Variants in EFR3B observed in about 807,000 individuals in gnomAD.
EFR3B encodes EFR3 homolog B, also known as protein EFR3 homolog B.
A neutral mutation model predicts 104.7 loss-of-function variants in EFR3B; 64 were observed. The ratio of observed to expected loss-of-function variants is 0.61; its 90% confidence interval spans 0.50 to 0.75. The LOEUF is 0.75. EFR3B is among the 30% of genes least tolerant of loss of function. EFR3B has a pLI of 0.00. For missense variants in EFR3B, 750 were observed against 1,078.5 expected (o/e 0.70, Z 4.27); for synonymous variants, 385 against 417.9 (o/e 0.92, Z 0.96).
In EFR3B at chr2:25,130,761, G is replaced by A; in HGVS notation, c.849+131G>A. 1.3e-6 allele frequency: 1 copy of A among 748,092 alleles called. No individual in the cohort carries two copies. The allele number at this position is 748,092 out of a possible 1,614,324, so 46.3% of individuals were successfully genotyped here. A position where few individuals can be genotyped will look rare whatever the true frequency, so the allele number is the denominator to read the frequency against. On this transcript the variant is annotated intron_variant, in intron 8 of 22. Transcript: ENST00000403714. This position sits in a 1 kb window ranked among gnomAD's most constrained non-coding sequence, Gnocchi z 4.6. Reference sequence around the variant, plus strand: ...GCCCCCAGTTGCCGAAACCAGTGCTGCTTAAGCTAGCTGTGGAGAAGGGCC... The same window carrying A: ...GCCCCCAGTTGCCGAAACCAGTGCTACTTAAGCTAGCTGTGGAGAAGGGCC...
chr2:25,061,702 G>C (rs940889791), intron 1 of EFR3B, among the ~76,000 whole-genome samples: 2 of 151,552 alleles, frequency 1.3e-5, no homozygotes, highest in Non-Finnish European at 2.9e-5. Context: ...CACCATGTTG[G>C]CCAGGCTAGT....
rs750737116 is a variant in EFR3B at position 25,157,798 on chromosome 2, T to A, written c.*3458T>A. On this transcript the variant is annotated 3_prime_UTR_variant, in exon 23 of 23. Coordinates refer to ENST00000403714, the MANE Select transcript of EFR3B (RefSeq NM_014971.2). Reference sequence around the variant, plus strand: ...CGCCTTGTGCCTGTTTCCATTTCCCTCTCTCTTTGAAAAGTAGAAATCAGT... The same window carrying A: ...CGCCTTGTGCCTGTTTCCATTTCCCACTCTCTTTGAAAAGTAGAAATCAGT... The A allele has an allele frequency of 6.6e-6, 1 of 152,230 alleles. No individual in the cohort carries two copies. The highest frequency in any genetic ancestry group is 1.5e-5 in the Non-Finnish European group (1 of 68,072). The allele number at this position is 152,230 out of a possible 1,614,324, so 9.4% of individuals were successfully genotyped here. A position where few individuals can be genotyped will look rare whatever the true frequency, so the allele number is the denominator to read the frequency against.
intron 1 of EFR3B, chr2:25,081,018 GCAA>G: frequency 1.3e-6 from 1 of 752,990 alleles, no homozygotes; most frequent in Non-Finnish European, 2.5e-6. Flanking sequence ...AGTCTCAGCA[GCAA>G]CATCTGCAAT....
chr2:25,093,186 A>T, intron 3 of EFR3B, 56 bp downstream of exon 3: 1 of 1,535,054 alleles, frequency 6.5e-7, no homozygotes, highest in Non-Finnish European at 8.8e-7. Context: ...TGTTAGGCTA[A>T]ACATAGGGTC....
At chr2:25,105,351 A>G (rs544837514) in intron 4 of EFR3B, among the ~76,000 whole-genome samples, 13 of 152,208 alleles carry the variant, frequency 8.5e-5, no homozygotes, top group African/African-American at 3.1e-4. Context: ...GGGTTTCACC[A>G]TGTTGTCCAG....
chr2:25,142,811 T>G (rs1296301509), intron 17 of EFR3B, among the ~76,000 whole-genome samples: 1 of 150,624 alleles, frequency 6.6e-6, no homozygotes, highest in Non-Finnish European at 1.5e-5. Context: ...CCAGGTATGG[T>G]GGAGCGTACC....
chr2:25,133,707 G>A (rs773226937), intron 12 of EFR3B, among the ~76,000 whole-genome samples: 6 of 152,218 alleles, frequency 3.9e-5, no homozygotes, highest in Non-Finnish European at 7.3e-5. Flanking sequence ...ACTCAGACGT[G>A]ATCTGTCTTG....
Position 25,133,416 on chromosome 2 carries a change from G to T in EFR3B, c.1293G>T (p.Leu431=), listed in dbSNP as rs745950023. ...GGAACCGTCTGACCCAGATTATGCT[G>T]CTAAAATCCCTCCTGCAGGTGAGCC... ...ENRNRLTQIM[L]LKSLLQVSTG... Residue 431 remains leucine (L), a synonymous_variant, in exon 12 of 23, where the codon CTG becomes CTT. Coordinates refer to ENST00000403714, the MANE Select transcript of EFR3B (RefSeq NM_014971.2). The T allele has an allele frequency of 5.8e-6, 9 of 1,552,264 alleles. No individual in the cohort carries two copies. The highest frequency in any genetic ancestry group is 7.8e-6 in the Non-Finnish European group (9 of 1,147,156).
At chr2:25,109,405 A>G (rs1355563038) in intron 4 of EFR3B, among the ~76,000 whole-genome samples, 1 of 152,232 alleles carries the variant, frequency 6.6e-6, no homozygotes, top group East Asian at 1.9e-4. Context: ...GGAAACCGGA[A>G]CCATCATACT....
chr2:25,158,438 A>G lies in EFR3B; in HGVS notation c.*4098A>G, dbSNP rs1671232920. The stretch of plus-strand genomic sequence containing the variant: ...CTCCCTCACACCTGGGGAAAGGTTT[A>G]GGGCAACATGTTGCCTCTTCATCCC... On this transcript the variant is annotated 3_prime_UTR_variant, in exon 23 of 23. Coordinates refer to ENST00000403714, the MANE Select transcript of EFR3B (RefSeq NM_014971.2). 1 of 152,288 alleles carries G rather than the reference A, an allele frequency of 6.6e-6. No homozygotes were observed. The highest frequency in any genetic ancestry group is 6.5e-5 in the Admixed American group (1 of 15,280). 9.4% of individuals were successfully genotyped at this position (152,288 alleles called of 1,614,324 possible). A position where few individuals can be genotyped will look rare whatever the true frequency, so the allele number is the denominator to read the frequency against.
chr2:25,084,917 G>T (rs1216650543), intron 1 of EFR3B, among the ~76,000 whole-genome samples: 1 of 152,224 alleles, frequency 6.6e-6, no homozygotes, highest in Non-Finnish European at 1.5e-5. Context: ...GCCCTAAGCA[G>T]TTCCCAGCTT....
chr2:25,122,178 G>T (rs1670034678), intron 5 of EFR3B, among the ~76,000 whole-genome samples: 1 of 152,000 alleles, frequency 6.6e-6, no homozygotes, highest in African/African-American at 2.4e-5. Context: ...TGTTGGCCAG[G>T]CTCATCTCAA....
chr2:25,143,219 G>GA (rs958167095), intron 17 of EFR3B, among the ~76,000 whole-genome samples: 10 of 148,218 alleles, frequency 6.7e-5, no homozygotes, highest in East Asian at 3.9e-4. Flanking sequence ...CCGTCTCAAA[G>GA]AAAAAAAAAA....
chr2:25,149,624 TG>T, intron 19 of EFR3B, 69 bp from the exon 20 acceptor site: 1 of 1,466,516 alleles, frequency 6.8e-7, no homozygotes, highest in South Asian at 1.2e-5. Context: ...GCCAGAGAGC[TG>T]GGGGTGCCAG....
At chr2:25,061,255 C>G (rs1295804730) in intron 1 of EFR3B, among the ~76,000 whole-genome samples, 3 of 151,694 alleles carry the variant, frequency 2.0e-5, no homozygotes, top group African/African-American at 7.3e-5. Flanking sequence ...TCCGGAGTAG[C>G]TCCGTGTGCC....
intron 3 of EFR3B, among the ~76,000 whole-genome samples, chr2:25,097,643 T>G (rs1178156720): frequency 6.6e-6 from 1 of 152,054 alleles, no homozygotes; most frequent in Non-Finnish European, 1.5e-5. Context: ...AGAGAGAGGA[T>G]GAGATGTGAA....
rs1441771814 is a variant in EFR3B at position 25,042,920 on chromosome 2, TG to T, written c.7+602del. ...CAGTGATGAAGGGAGGAGACGCTGCTGAGAGGGTGCAGCACAGCCCTGACCT... is the reference window on the plus strand; with the variant it reads ...CAGTGATGAAGGGAGGAGACGCTGCTAGAGGGTGCAGCACAGCCCTGACCT... On this transcript the variant is annotated intron_variant, in intron 1 of 22. Coordinates refer to ENST00000403714, the MANE Select transcript of EFR3B (RefSeq NM_014971.2). This position sits in a 1 kb window ranked among gnomAD's most constrained non-coding sequence, Gnocchi z 5.4. 6.6e-6 allele frequency among the ~76,000 whole-genome samples: 1 copy of T among 152,148 alleles called. No homozygotes were observed. Among genetic ancestry groups the T allele is most frequent in the Admixed American group, 6.5e-5 (1 of 15,280 alleles).
At chr2:25,058,775 C>CCCA (rs1491513048) in intron 1 of EFR3B, among the ~76,000 whole-genome samples, 9 of 104,184 alleles carry the variant, frequency 8.6e-5, no homozygotes, top group African/African-American at 1.4e-4. Flanking sequence ...CCCCCCCCCC[C>CCCA]AAAAAAAAAA....
intron 1 of EFR3B, chr2:25,080,852 T>A: frequency 1.2e-6 from 1 of 849,690 alleles, no homozygotes; most frequent in African/African-American, 1.7e-5. Flanking sequence ...TTATCATGGT[T>A]GCATCATATT....
Sources: allele counts gnomAD v4.1 joint callset (sites outside exome capture counted in the v4.1 genomes callset), GRCh38; gene constraint gnomAD v4.1.1; non-coding constraint Gnocchi (gnomAD v3.1); transcripts MANE v1.5; gene names NCBI Gene and HGNC (gene_info 2026-07-23, HGNC 2026-07-21).